The following SMOC1 variants were observed in gnomAD, a reference collection of about 807,000 sequenced individuals.
The protein encoded by SMOC1 is SPARC-related modular calcium-binding protein 1.
SMOC1 carries 22 observed loss-of-function variants against 56.3 expected under a neutral mutation model. The observed-to-expected ratio is 0.39, with a 90% confidence interval of 0.28 to 0.56. The LOEUF is 0.56. Among genes scored for constraint, SMOC1 ranks in the 20% least tolerant of loss-of-function variants. The pLI is 0.61. For missense variants in SMOC1, 509 were observed against 565.4 expected (o/e 0.90, Z 1.01); for synonymous variants, 193 against 215.0 (o/e 0.90, Z 0.89).
rs958137714 is a variant in SMOC1, at chr14:69,891,122, A to G, written c.99+11345A>G. The stretch of plus-strand genomic sequence containing the variant: ...AAAAAGGCAAATTGCAGAATAATAC[A>G]TAATGCTATTTTTTACATAAAGGTT... On this transcript the variant is annotated intron_variant, in intron 1 of 11. Transcript: ENST00000361956. Among the ~76,000 whole-genome samples, 5 of 152,380 alleles carry G rather than the reference A, an allele frequency of 3.3e-5. No individual in the cohort carries two copies. The East Asian group carries it at 5.8e-4, about 18-fold the overall frequency.
chr14:69,897,987 C>G (rs961735550), intron 1 of SMOC1, among the ~76,000 whole-genome samples: 17 of 152,008 alleles, frequency 1.1e-4, no homozygotes, highest in Non-Finnish European at 1.9e-4. Flanking sequence ...AACAAGTTTC[C>G]TCAGTTTTTA....
chr14:69,931,523 G>T lies in SMOC1; in HGVS notation c.100-20615G>T, dbSNP rs958580769. 6.2e-4 allele frequency among the ~76,000 whole-genome samples: 95 copies of T among 152,350 alleles called. 1 individual carries two copies. Among genetic ancestry groups the T allele is most frequent in the Non-Finnish European group, 1.6e-4 (11 of 68,036 alleles). ...TGTTCTTTGGGAGCTGACAGCAGGC[G>T]CTGGGTCAAGCCTCTAATGAGCACT... On this transcript the variant is annotated intron_variant, in intron 1 of 11. Coordinates refer to ENST00000361956, the MANE Select transcript of SMOC1 (RefSeq NM_001034852.3).
intron 7 of SMOC1, among the ~76,000 whole-genome samples, chr14:69,999,154 T>C (rs978470659): frequency 1.5e-4 from 23 of 152,200 alleles, no homozygotes; most frequent in African/African-American, 5.3e-4. Context: ...ACCTTACCTG[T>C]CACAGGTAAG....
rs1440913141 is a variant in SMOC1 at position 70,030,355 on chromosome 14, C to T, written c.*97C>T. 10 of 1,471,666 alleles carry T rather than the reference C, an allele frequency of 6.8e-6. No homozygotes were observed. The highest frequency in any genetic ancestry group is 3.9e-5 in the Admixed American group (2 of 51,844). The allele number at this position is 1,471,666 out of a possible 1,614,324, so 91.2% of individuals were successfully genotyped here. ...CGTTGCCCATGGCCCTGCCACATCC[C>T]GTGTAACATAAGTGGTGCCCACCAT... On this transcript the variant is annotated 3_prime_UTR_variant, in exon 12 of 12. Transcript: ENST00000361956.
chr14:70,030,237 C>G lies in SMOC1; in HGVS notation c.1292-5C>G. The G allele has an allele frequency of 6.3e-7, 1 of 1,590,808 alleles. No homozygotes were observed. The highest frequency in any genetic ancestry group is 8.6e-7 in the Non-Finnish European group (1 of 1,169,476). ...TTTTTTTTGCATTCTCCTTCCTTCT[C>G]TCAGTAGGACGCCTCGTCTAAGGAG... On this transcript the variant is annotated splice_polypyrimidine_tract_variant and splice_region_variant and intron_variant, in intron 11 of 11. Transcript: ENST00000361956.
At chr14:69,913,918 C>T (rs1884619736) in intron 1 of SMOC1, among the ~76,000 whole-genome samples, 1 of 152,196 alleles carries the variant, frequency 6.6e-6, no homozygotes, top group South Asian at 2.1e-4. Flanking sequence ...TGTCTTCTGT[C>T]TGTTTATACA....
At chr14:70,025,291 C>A (rs570167869) in intron 11 of SMOC1, among the ~76,000 whole-genome samples, 2 of 152,260 alleles carry the variant, frequency 1.3e-5, no homozygotes, top group South Asian at 2.1e-4. Context: ...GATAAAAAGG[C>A]CTTTTCCTTG....
chr14:69,994,236 C>T (rs986440711), intron 6 of SMOC1, 164 bp from the exon 7 acceptor site: 29 of 741,472 alleles, frequency 3.9e-5, no homozygotes, highest in Admixed American at 7.1e-5. Context: ...GAGAAGCTTC[C>T]GTTGTGAGGA....
At chr14:69,911,992 G>T (rs1033649242) in intron 1 of SMOC1, among the ~76,000 whole-genome samples, 1 of 152,138 alleles carries the variant, frequency 6.6e-6, no homozygotes, top group Non-Finnish European at 1.5e-5. Context: ...GGGTCTAGTT[G>T]CTCTGCATTC....
intron 11 of SMOC1, among the ~76,000 whole-genome samples, chr14:70,027,326 C>T (rs774913002): frequency 1.4e-4 from 22 of 152,130 alleles, no homozygotes; most frequent in African/African-American, 3.4e-4. Flanking sequence ...TTGAAGATGT[C>T]GCCTTGTGTG....
chr14:69,950,235 C>G (rs947224761), intron 1 of SMOC1, among the ~76,000 whole-genome samples: 4 of 152,152 alleles, frequency 2.6e-5, no homozygotes, highest in Non-Finnish European at 5.9e-5. Context: ...CAGCCAGCAC[C>G]CAGGCATGAG....
At chr14:70,006,662 T>A (rs1031704204) in intron 7 of SMOC1, among the ~76,000 whole-genome samples, 8 of 152,240 alleles carry the variant, frequency 5.3e-5, no homozygotes, top group African/African-American at 1.9e-4. Context: ...CTAATGTGTC[T>A]GTGGGTTGGC....
chr14:69,935,831 G>A (rs1420065471), intron 1 of SMOC1, among the ~76,000 whole-genome samples: 1 of 152,262 alleles, frequency 6.6e-6, no homozygotes, highest in African/African-American at 2.4e-5. Context: ...AACTATGGCA[G>A]TGTGCCCCTC....
chr14:69,964,821 C>T (rs1883508095), intron 3 of SMOC1, among the ~76,000 whole-genome samples: 1 of 152,142 alleles, frequency 6.6e-6, no homozygotes, highest in African/African-American at 2.4e-5. Flanking sequence ...GGAAACTGAA[C>T]CACAGAGAAG....
At chr14:69,948,863 C>T (rs761423579) in intron 1 of SMOC1, among the ~76,000 whole-genome samples, 6 of 152,202 alleles carry the variant, frequency 3.9e-5, no homozygotes, top group East Asian at 1.9e-4. Flanking sequence ...AGCTAGGCAA[C>T]GTTTCCAAGG....
intron 3 of SMOC1, among the ~76,000 whole-genome samples, chr14:69,969,226 T>G (rs1302388294): frequency 6.6e-6 from 1 of 152,152 alleles, no homozygotes; most frequent in African/African-American, 2.4e-5. Context: ...TGTGTAAAAG[T>G]TAGGGGAGGG....
At position 69,953,514 on chromosome 14, in the gene SMOC1, G is replaced by C. The variant is rs752262272; in HGVS notation, c.360G>C (p.Glu120Asp). Residue 120 changes from glutamate to aspartate, a missense_variant, in exon 3 of 12, where the codon GAG becomes GAC. By Grantham distance (45) the Glu-to-Asp change is conservative. Around this residue, in one of 3 missense-constraint regions of SMOC1, gnomAD observed 315 missense variants for 333.1 expected, o/e 0.95. Coordinates refer to ENST00000361956, the MANE Select transcript of SMOC1 (RefSeq NM_001034852.3). ...QEAVFVPECG[E>D]DGSFTQVQCH... ...CTGTGTTTGTCCCAGAGTGTGGCGA[G>C]GATGGCTCCTTTACCCAGGTGAGGC... 2 of 1,614,218 alleles carry C rather than the reference G, an allele frequency of 1.2e-6. No homozygotes were observed. The highest frequency in any genetic ancestry group is 2.2e-5 in the South Asian group (2 of 91,084).
intron 5 of SMOC1, among the ~76,000 whole-genome samples, chr14:69,989,237 T>A (rs911944566): frequency 3.9e-5 from 6 of 152,264 alleles, no homozygotes; most frequent in African/African-American, 1.2e-4. Context: ...TTCTAGTGGC[T>A]GTTTAGAAGT....
intron 1 of SMOC1, among the ~76,000 whole-genome samples, chr14:69,907,209 A>C (rs1174640050): frequency 6.6e-6 from 1 of 152,178 alleles, no homozygotes; most frequent in African/African-American, 2.4e-5. Flanking sequence ...CAACCACAGG[A>C]AGCAGCACTG....
Sources: gnomAD v4.1 joint callset for allele counts (sites outside exome capture counted in the v4.1 genomes callset) on GRCh38, gnomAD v4.1.1 for gene constraint, gnomAD v4.1.1 regional missense constraint, MANE v1.5 for transcripts, NCBI Gene and HGNC (gene_info 2026-07-23, HGNC 2026-07-21) for gene names.